Variants in PACRG observed in about 807,000 individuals in gnomAD.
PACRG encodes parkin coregulated gene protein.
A neutral mutation model predicts 29.7 loss-of-function variants in PACRG; 29 were observed. That is an observed-to-expected ratio of 0.98 (90% CI 0.73 to 1.33). PACRG has a LOEUF of 1.33. Among genes scored for constraint, PACRG ranks in the 40% most tolerant of loss-of-function variants. PACRG has a pLI of 0.00. For missense variants in PACRG, 279 were observed against 316.2 expected (o/e 0.88, Z 0.89); for synonymous variants, 116 against 118.7 (o/e 0.98, Z 0.15).
rs147146825 is a variant in PACRG, at chr6:163,108,598, A to G, written c.613+19190A>G. Among the ~76,000 whole-genome samples, 793 of 151,454 alleles carry G rather than the reference A, an allele frequency of 5.2e-3. 7 individuals are homozygous for G. Among genetic ancestry groups the G allele is most frequent in the Non-Finnish European group, 8.4e-3 (569 of 67,866 alleles). The stretch of plus-strand genomic sequence containing the variant: ...TTTTTAGTAGACACAGGGTTTTGCC[A>G]TGTTGGTCTCGAACTCCTGGCCTCA... On this transcript the variant is annotated intron_variant, in intron 4 of 4. Transcript: ENST00000366888.
intron 2 of PACRG, among the ~76,000 whole-genome samples, chr6:162,842,668 G>T: frequency 9.0e-6 from 1 of 110,854 alleles, no homozygotes; most frequent in East Asian, 2.7e-4. Flanking sequence ...TTGCTCGTTA[G>T]TTGATGCAGT....
intron 4 of PACRG, chr6:163,190,840 C>G: frequency 2.6e-6 from 1 of 385,304 alleles, no homozygotes. Flanking sequence ...TCTTCTTTCA[C>G]TGATTACTTC....
intron 1 of PACRG, among the ~76,000 whole-genome samples, chr6:162,796,857 A>C (rs1179383470): frequency 2.0e-5 from 3 of 152,224 alleles, no homozygotes; most frequent in Non-Finnish European, 4.4e-5. Context: ...ATTTATGTGA[A>C]TGCTTGACAC....
intron 4 of PACRG, among the ~76,000 whole-genome samples, chr6:163,268,694 T>A (rs1351810417): frequency 3.3e-5 from 5 of 152,212 alleles, no homozygotes; most frequent in Non-Finnish European, 4.4e-5. Flanking sequence ...TCTTTCCAGG[T>A]CATGGTTTTG....
At chr6:163,214,156 A>AT (rs1327469260) in intron 4 of PACRG, among the ~76,000 whole-genome samples, 3 of 152,202 alleles carry the variant, frequency 2.0e-5, no homozygotes, top group African/African-American at 7.2e-5. Context: ...TGTCCAGTAT[A>AT]GTAGCCACCA....
At chr6:163,111,667 T>C (rs950188840) in intron 4 of PACRG, among the ~76,000 whole-genome samples, 7 of 152,244 alleles carry the variant, frequency 4.6e-5, no homozygotes, top group Admixed American at 1.3e-4. Flanking sequence ...TAATGTGTCA[T>C]TGTTATAGAA....
At chr6:163,109,621 A>G (rs1815596029) in intron 4 of PACRG, among the ~76,000 whole-genome samples, 2 of 152,222 alleles carry the variant, frequency 1.3e-5, no homozygotes. Context: ...GGAAAGAGAA[A>G]AATCAACTTC....
intron 4 of PACRG, among the ~76,000 whole-genome samples, chr6:163,205,102 T>A (rs574536409): frequency 6.6e-6 from 1 of 152,234 alleles, no homozygotes; most frequent in Non-Finnish European, 1.5e-5. Context: ...TTCATGCTTA[T>A]GGATAGAAGA....
At chr6:163,105,217 A>T (rs2128316117) in intron 4 of PACRG, among the ~76,000 whole-genome samples, 1 of 152,308 alleles carries the variant, frequency 6.6e-6, no homozygotes, top group African/African-American at 2.4e-5. Context: ...AATTCTCTCT[A>T]AATAAATAAC....
chr6:162,912,553 A>C (rs1828819), intron 2 of PACRG, among the ~76,000 whole-genome samples: 17 of 151,430 alleles, frequency 1.1e-4, no homozygotes, highest in Non-Finnish European at 2.1e-4. Flanking sequence ...TGTTAAACAC[A>C]TAAGTCACAT....
At chr6:163,277,528 T>G (rs1784082729) in intron 4 of PACRG, among the ~76,000 whole-genome samples, 1 of 148,488 alleles carries the variant, frequency 6.7e-6, no homozygotes. Flanking sequence ...TATACACATA[T>G]ATACATATAT....
At chr6:162,845,666 T>C (rs1044684550) in intron 2 of PACRG, among the ~76,000 whole-genome samples, 52 of 152,198 alleles carry the variant, frequency 3.4e-4, no homozygotes, top group African/African-American at 1.2e-3. Context: ...GTCATGCCAG[T>C]TCTCCTGCTC....
intron 2 of PACRG, among the ~76,000 whole-genome samples, chr6:163,025,822 T>C (rs569262490): frequency 1.3e-5 from 2 of 152,344 alleles, no homozygotes; most frequent in Admixed American, 6.5e-5. Flanking sequence ...CCCAGGACCA[T>C]GTACAGAGGT....
chr6:163,245,214 A>G lies in PACRG; in HGVS notation c.614-69613A>G, dbSNP rs115269547. ...TTCTACGTACATTTAGTAATAGTTT[A>G]TTATGGCTTTATCTTTTAAAGTCTA... On this transcript the variant is annotated intron_variant, in intron 4 of 4. Transcript: ENST00000366888. The G allele has an allele frequency of 2.5e-3, 642 of 255,878 alleles. 5 individuals are homozygous for G. Among genetic ancestry groups the G allele is most frequent in the African/African-American group, 0.014 (619 of 44,624 alleles). The allele number at this position is 255,878 out of a possible 1,614,324, so 15.9% of individuals were successfully genotyped here.
intron 2 of PACRG, among the ~76,000 whole-genome samples, chr6:163,048,308 A>G (rs371320414): frequency 4.5e-4 from 69 of 152,320 alleles, no homozygotes; most frequent in African/African-American, 1.7e-3. Flanking sequence ...GATCTGCTAT[A>G]GGTTTCTGCT....
chr6:163,105,103 T>A (rs1455685975), intron 4 of PACRG, among the ~76,000 whole-genome samples: 5 of 152,158 alleles, frequency 3.3e-5, no homozygotes, highest in Non-Finnish European at 1.5e-5. Flanking sequence ...ATTGCACTAG[T>A]AAGTTTTTCT....
At chr6:162,936,967 A>G (rs1272264964) in intron 2 of PACRG, among the ~76,000 whole-genome samples, 1 of 152,192 alleles carries the variant, frequency 6.6e-6, no homozygotes, top group Non-Finnish European at 1.5e-5. Context: ...AAATAAGAGA[A>G]GCATTTGAAA....
At chr6:163,186,166 G>A (rs543175819) in intron 4 of PACRG, among the ~76,000 whole-genome samples, 1 of 152,302 alleles carries the variant, frequency 6.6e-6, no homozygotes, top group Admixed American at 6.5e-5. Context: ...GGGCTTCGTT[G>A]TGTGGCCTTT....
At position 163,041,857 on chromosome 6, in the gene PACRG, CTGTTTTGTTT is replaced by C. The variant is rs200700379; in HGVS notation, c.292-20277_292-20268del. Among the ~76,000 whole-genome samples the C allele has an allele frequency of 3.9e-5, 6 of 152,062 alleles. No homozygotes were observed. In the South Asian group the frequency reaches 6.2e-4, roughly 16 times the overall value. ...GTCTTCACAGACATGCAAACATATT[CTGTTTTGTTT>C]TGTTTTGTTTTGTTTGAGTTGGAGT... is the stretch of plus-strand genomic sequence containing the variant. On this transcript the variant is annotated intron_variant, in intron 2 of 4. Coordinates refer to ENST00000366888, the MANE Select transcript of PACRG (RefSeq NM_001080379.2).
Sources: gnomAD v4.1 joint callset for allele counts (sites outside exome capture counted in the v4.1 genomes callset) on GRCh38, gnomAD v4.1.1 for gene constraint, MANE v1.5 for transcripts, NCBI Gene and HGNC (gene_info 2026-07-23, HGNC 2026-07-21) for gene names.